Variants in ELAVL4 observed in about 807,000 individuals in gnomAD.
ELAVL4 encodes the protein ELAV-like protein 4.
ELAVL4 carries 1 observed loss-of-function variant against 35.6 expected under a neutral mutation model. The observed-to-expected ratio is 0.03, with a 90% CI of 0.01 to 0.13. The LOEUF (loss-of-function observed/expected upper bound fraction) is 0.13. Ranked by LOEUF, ELAVL4 falls within the 10% of genes least tolerant of loss-of-function variation. The probability of loss-of-function intolerance (pLI) is 1.00; values close to 1 mark genes in which losing one functional copy is unlikely to be tolerated. For synonymous variants in ELAVL4, 156 were observed against 171.0 expected (o/e 0.91, Z 0.69); for missense variants, 267 against 464.9 (o/e 0.57, Z 3.91).
intron 3 of ELAVL4, among the ~76,000 whole-genome samples, chr1:50,188,436 A>C (rs897510544): frequency 1.3e-5 from 2 of 152,214 alleles, no homozygotes; most frequent in Non-Finnish European, 2.9e-5. Context: ...TCTAATCCAC[A>C]GGGGCCCAAC....
intron 1 of ELAVL4, among the ~76,000 whole-genome samples, chr1:50,120,017 G>A (rs1668757404): frequency 6.6e-6 from 1 of 150,984 alleles, no homozygotes; most frequent in Non-Finnish European, 1.5e-5. Context: ...GAAAAATAAG[G>A]TAATTTCTCT....
chr1:50,101,602 G>T (rs1665982051), upstream of ELAVL4, among the ~76,000 whole-genome samples: 3 of 1,968 alleles, frequency 1.5e-3, no homozygotes, highest in South Asian at 0.3. Context: ...CTTTCTCACT[G>T]ATTTCAACAA....
upstream of ELAVL4, among the ~76,000 whole-genome samples, chr1:50,105,018 T>G (rs1030657255): frequency 2.6e-5 from 4 of 152,250 alleles, no homozygotes; most frequent in Non-Finnish European, 4.4e-5. Flanking sequence ...TGGCTTGCTC[T>G]TGTGGTTGTT....
chr1:50,137,496 A>T (rs1672079578), intron 1 of ELAVL4, among the ~76,000 whole-genome samples: 1 of 151,936 alleles, frequency 6.6e-6, no homozygotes, highest in South Asian at 2.1e-4. Context: ...CAACATAGAG[A>T]GACCCAGTCA....
chr1:50,170,989 T>C (rs996333870), intron 2 of ELAVL4, among the ~76,000 whole-genome samples: 3 of 152,248 alleles, frequency 2.0e-5, no homozygotes, highest in African/African-American at 4.8e-5. Context: ...GCTGTGATCA[T>C]GCCACCATAC....
intron 2 of ELAVL4, among the ~76,000 whole-genome samples, chr1:50,162,357 C>T (rs878920622): frequency 3.9e-5 from 6 of 152,104 alleles, no homozygotes; most frequent in African/African-American, 9.7e-5. Context: ...AAGACTCACG[C>T]GCCCGCCCTT....
chr1:50,104,516 A>C (rs1042849227), upstream of ELAVL4, among the ~76,000 whole-genome samples: 1 of 152,248 alleles, frequency 6.6e-6, no homozygotes, highest in Non-Finnish European at 1.5e-5. Context: ...CTTGACTTAA[A>C]GATGAAGGAC....
intron 1 of ELAVL4, among the ~76,000 whole-genome samples, chr1:50,116,567 T>G (rs182891485): frequency 4.2e-4 from 64 of 152,134 alleles, no homozygotes; most frequent in Admixed American, 1.4e-3. Context: ...AATTTGTACA[T>G]GAAAAATAAC....
intron 1 of ELAVL4, among the ~76,000 whole-genome samples, chr1:50,097,283 C>G (rs958198760): frequency 6.6e-6 from 1 of 152,122 alleles, no homozygotes; most frequent in Admixed American, 6.6e-5. Flanking sequence ...ATGCTACTAC[C>G]CCGGCTCTTT....
chr1:50,111,545 C>T (rs1667078443), intron 1 of ELAVL4, among the ~76,000 whole-genome samples: 1 of 152,076 alleles, frequency 6.6e-6, no homozygotes, highest in Admixed American at 6.6e-5. Flanking sequence ...CATTGTACCT[C>T]TCATTTTTTT....
intron 1 of ELAVL4, among the ~76,000 whole-genome samples, chr1:50,049,023 C>T (rs1663219769): frequency 6.6e-6 from 1 of 152,082 alleles, no homozygotes; most frequent in African/African-American, 2.4e-5. Flanking sequence ...TTGAGGAGAC[C>T]ACAGGGAAAC....
At chr1:50,108,823 C>A, upstream of ELAVL4, 2 of 728,254 alleles carry the variant, frequency 2.7e-6, no homozygotes, top group Non-Finnish European at 3.4e-6. Context: ...TAAATAGCAC[C>A]TGATGTTGCA....
At chr1:50,094,732 C>T (rs892284552) in intron 1 of ELAVL4, among the ~76,000 whole-genome samples, 5 of 117,634 alleles carry the variant, frequency 4.3e-5, no homozygotes, top group Non-Finnish European at 8.9e-5. Flanking sequence ...TTGGTGAAAC[C>T]CTGTCTCTAC....
Position 50,109,743 on chromosome 1 carries a change from A to G in ELAVL4, c.9+545A>G, listed in dbSNP as rs913319193. On this transcript the variant is annotated intron_variant, in intron 1 of 6. Transcript: ENST00000371824. Reference sequence around the variant, plus strand: ...TTATTTGGGCTTCAGTAAATGCTGCATCTTGTATTTCAAAGAGTTTCCTGT... The same window carrying G: ...TTATTTGGGCTTCAGTAAATGCTGCGTCTTGTATTTCAAAGAGTTTCCTGT... 5.3e-5 allele frequency: 33 copies of G among 624,908 alleles called. No individual in the cohort carries two copies. In the South Asian group the frequency reaches 6.0e-4, roughly 11 times the overall value. 38.7% of individuals were successfully genotyped at this position (624,908 alleles called of 1,614,324 possible).
At chr1:50,131,475 C>G (rs1222699333) in intron 1 of ELAVL4, among the ~76,000 whole-genome samples, 1 of 151,886 alleles carries the variant, frequency 6.6e-6, no homozygotes, top group Non-Finnish European at 1.5e-5. Flanking sequence ...AAAATACATA[C>G]AGTAGGAGTT....
intron 1 of ELAVL4, among the ~76,000 whole-genome samples, chr1:50,128,861 G>A (rs1396261533): frequency 6.6e-6 from 1 of 152,100 alleles, no homozygotes; most frequent in African/African-American, 2.4e-5. Flanking sequence ...GGGAGTCAGT[G>A]ACCAGAAGAT....
At chr1:50,133,635 G>GAAAGAAAGAAAGAAAT (rs1557755240) in intron 1 of ELAVL4, among the ~76,000 whole-genome samples, 3 of 148,886 alleles carry the variant, frequency 2.0e-5, no homozygotes, top group African/African-American at 7.4e-5. Flanking sequence ...AAGAAAGAAA[G>GAAAGAAAGAAAGAAAT]AAAGAAAGAA....
chr1:50,165,609 C>A (rs921774515), intron 2 of ELAVL4, among the ~76,000 whole-genome samples: 5 of 145,684 alleles, frequency 3.4e-5, no homozygotes, highest in South Asian at 2.2e-4. Flanking sequence ...TGTATGTATA[C>A]GTATACATAT....
intron 2 of ELAVL4, among the ~76,000 whole-genome samples, chr1:50,149,136 G>A (rs6673469): frequency 0.019 from 2,856 of 152,180 alleles, 95 homozygotes; most frequent in African/African-American, 0.065. Flanking sequence ...AGTGACTCAC[G>A]CTTGGAATCC....
Sources: allele counts gnomAD v4.1 joint callset (sites outside exome capture counted in the v4.1 genomes callset), GRCh38; gene constraint gnomAD v4.1.1; transcripts MANE v1.5; gene names NCBI Gene and HGNC (gene_info 2026-07-23, HGNC 2026-07-21).